The following CRACD variants were observed in gnomAD, a reference collection of about 807,000 sequenced individuals.
CRACD encodes the protein capping protein inhibiting regulator of actin dynamics, also known as capping protein-inhibiting regulator of actin dynamics.
In CRACD, 56 loss-of-function variants were observed where a neutral mutation model predicts 106.8. The ratio of observed to expected loss-of-function variants is 0.52; its 90% confidence interval spans 0.42 to 0.66. The LOEUF is 0.66. Among genes scored for constraint, CRACD ranks in the 30% least tolerant of loss-of-function variants. The pLI, the probability that CRACD is intolerant of heterozygous loss-of-function variation, is 0.00. For synonymous variants in CRACD, 754 were observed against 670.8 expected, an observed-to-expected ratio of 1.12 and a Z score of -1.92; for missense variants, 1,730 against 1,623.2, an observed-to-expected ratio of 1.07 and a Z score of -1.13.
At chr4:56,107,462 CT>C (rs986559096) in intron 1 of CRACD, among the ~76,000 whole-genome samples, 10 of 151,486 alleles carry the variant, frequency 6.6e-5, no homozygotes, top group African/African-American at 9.7e-5. Flanking sequence ...ACTATTAATC[CT>C]TTTTTTTTCT....
At chr4:56,172,138 G>A (rs1272423535) in intron 1 of CRACD, among the ~76,000 whole-genome samples, 1 of 150,286 alleles carries the variant, frequency 6.7e-6, no homozygotes, top group Non-Finnish European at 1.5e-5. Context: ...TTGGGGAGTC[G>A]CAGAGGAATA....
intron 4 of CRACD, among the ~76,000 whole-genome samples, chr4:56,299,309 A>G (rs1744230696): frequency 6.6e-6 from 1 of 152,156 alleles, no homozygotes; most frequent in Non-Finnish European, 1.5e-5. Flanking sequence ...ATAATACAGG[A>G]AAAGCAAGAA....
At chr4:56,112,181 T>A (rs1425219439) in intron 1 of CRACD, among the ~76,000 whole-genome samples, 1 of 152,180 alleles carries the variant, frequency 6.6e-6, no homozygotes, top group Non-Finnish European at 1.5e-5. Context: ...GAATTCTGCT[T>A]GCTTCGTGCA....
intron 1 of CRACD, among the ~76,000 whole-genome samples, chr4:56,176,810 ATTC>A (rs1736603682): frequency 6.6e-6 from 1 of 151,980 alleles, no homozygotes; most frequent in African/African-American, 2.4e-5. Context: ...ATTCCTAGGT[ATTC>A]TTTTTGTAGG....
intron 2 of CRACD, among the ~76,000 whole-genome samples, chr4:56,220,384 A>G (rs939383605): frequency 1.3e-5 from 2 of 152,180 alleles, no homozygotes; most frequent in Non-Finnish European, 2.9e-5. Context: ...CACTCTGCTC[A>G]CTAGGATATG....
intron 2 of CRACD, among the ~76,000 whole-genome samples, chr4:56,228,581 T>C (rs1262077885): frequency 6.8e-6 from 1 of 146,716 alleles, no homozygotes; most frequent in African/African-American, 2.5e-5. Context: ...ACCAGCCTGG[T>C]TAACATAACG....
intron 3 of CRACD, among the ~76,000 whole-genome samples, chr4:56,285,599 C>G (rs1012957287): frequency 6.6e-6 from 1 of 152,022 alleles, no homozygotes; most frequent in Non-Finnish European, 1.5e-5. Context: ...GCCACCACGC[C>G]CCATGAATTT....
intron 5 of CRACD, among the ~76,000 whole-genome samples, chr4:56,309,296 T>C (rs1349731218): frequency 6.6e-6 from 1 of 152,194 alleles, no homozygotes; most frequent in Non-Finnish European, 1.5e-5. Context: ...TGACATAATC[T>C]GATTTGTATT....
intron 2 of CRACD, among the ~76,000 whole-genome samples, chr4:56,191,798 C>T (rs1737380713): frequency 6.6e-6 from 1 of 152,212 alleles, no homozygotes; most frequent in African/African-American, 2.4e-5. Context: ...AAATTAACAT[C>T]TGTGATACAC....
In CRACD at chr4:56,326,834, G is replaced by C. The variant is rs953175714; in HGVS notation, c.3542-810G>C. ...GATTCACTGCAACCTCTGCCTGCAG[G>C]GTTCAAGTGATTCTCCTGCCTCAAC... On this transcript the variant is annotated intron_variant, in intron 10 of 10. Transcript: ENST00000682029. 7.2e-5 allele frequency among the ~76,000 whole-genome samples: 11 copies of C among 151,930 alleles called. No individual in the cohort carries two copies. In the East Asian group the frequency reaches 1.7e-3, roughly 24 times the overall value.
intron 1 of CRACD, among the ~76,000 whole-genome samples, chr4:56,080,406 A>G (rs1027135956): frequency 6.6e-6 from 1 of 152,216 alleles, no homozygotes; most frequent in African/African-American, 2.4e-5. Context: ...AGTACACACA[A>G]TCAGATATTA....
intron 2 of CRACD, among the ~76,000 whole-genome samples, chr4:56,199,571 A>T (rs1039002624): frequency 1.3e-4 from 19 of 151,880 alleles, no homozygotes; most frequent in Non-Finnish European, 1.2e-4. Flanking sequence ...AATCCCAGCT[A>T]CTTGAGAGGC....
chr4:56,128,722 G>A (rs908169180), intron 1 of CRACD, among the ~76,000 whole-genome samples: 3 of 151,958 alleles, frequency 2.0e-5, no homozygotes, highest in African/African-American at 7.3e-5. Flanking sequence ...GGTAAGATAG[G>A]GAGACCCCCC....
chr4:56,246,132 T>A (rs1560500369), intron 2 of CRACD, among the ~76,000 whole-genome samples: 1 of 152,172 alleles, frequency 6.6e-6, no homozygotes, highest in African/African-American at 2.4e-5. Context: ...TCTCATGATA[T>A]GCAGTGTGGT....
chr4:56,155,585 G>A (rs1735741042), intron 1 of CRACD, among the ~76,000 whole-genome samples: 1 of 152,146 alleles, frequency 6.6e-6, no homozygotes, highest in Admixed American at 6.5e-5. Context: ...CTATCAGGTA[G>A]GATTATTATT....
intron 2 of CRACD, among the ~76,000 whole-genome samples, chr4:56,241,185 G>T (rs1175218382): frequency 6.6e-6 from 1 of 152,178 alleles, no homozygotes; most frequent in East Asian, 1.9e-4. Context: ...TACAGGGCTT[G>T]TGTGCTTTCT....
chr4:56,063,768 G>A (rs1464005467), intron 1 of CRACD, among the ~76,000 whole-genome samples: 4 of 152,136 alleles, frequency 2.6e-5, no homozygotes, highest in Admixed American at 2.6e-4. Context: ...TATTTGGGTT[G>A]TTTCTGCCTT....
At chr4:56,104,835 C>T (rs867441700) in intron 1 of CRACD, among the ~76,000 whole-genome samples, 2 of 151,850 alleles carry the variant, frequency 1.3e-5, no homozygotes, top group African/African-American at 2.4e-5. Flanking sequence ...GGCATGGTGG[C>T]GGGTGCCTGT....
chr4:56,084,185 A>T (rs1560446173), intron 1 of CRACD, among the ~76,000 whole-genome samples: 1 of 152,198 alleles, frequency 6.6e-6, no homozygotes, highest in Non-Finnish European at 1.5e-5. Context: ...AATAACAAAA[A>T]TAATACTACA....
Sources: allele counts gnomAD v4.1 joint callset (sites outside exome capture counted in the v4.1 genomes callset), GRCh38; gene constraint gnomAD v4.1.1; transcripts MANE v1.5; gene names NCBI Gene and HGNC (gene_info 2026-07-23, HGNC 2026-07-21).